Variants in PWWP2B observed in about 807,000 individuals in gnomAD.
PWWP2B encodes the protein PWWP domain-containing protein 2B.
Under a neutral mutation model 15.5 loss-of-function variants are expected in PWWP2B, and 9 were observed. That is an observed-to-expected ratio of 0.58 (90% CI 0.35 to 1.02). The LOEUF (loss-of-function observed/expected upper bound fraction) is 1.02. Ranked by LOEUF, PWWP2B falls within the 50% of genes least tolerant of loss-of-function variation. PWWP2B has a pLI of 0.02. For synonymous variants in PWWP2B, 474 were observed against 403.6 expected (o/e 1.17, Z -2.09); for missense variants, 864 against 865.3 (o/e 1.00, Z 0.02).
In PWWP2B at chr10:132,400,708, C is replaced by A. The variant is rs887174403; in HGVS notation, c.125+3357C>A. Among the ~76,000 whole-genome samples, 7 of 152,358 alleles carry A rather than the reference C, an allele frequency of 4.6e-5. No individual in the cohort carries two copies. The East Asian group carries it at 1.4e-3, about 29-fold the overall frequency. On this transcript the variant is annotated intron_variant, in intron 1 of 2. Transcript: ENST00000305233. The stretch of plus-strand genomic sequence containing the variant: ...AGGGAGACTGCAGACGCTTTCTAGA[C>A]TGACACTGGAGCATAGCCGAGGCCT...
intron 1 of PWWP2B, 82 bp downstream of exon 1, chr10:132,397,433 T>G: frequency 1.8e-6 from 2 of 1,092,104 alleles, no homozygotes; most frequent in Non-Finnish European, 2.2e-6. Flanking sequence ...GGGACCCGCC[T>G]CCGGGTTGGG....
chr10:132,408,286 GGATC>G (rs898685356), intron 2 of PWWP2B, among the ~76,000 whole-genome samples: 4 of 152,226 alleles, frequency 2.6e-5, no homozygotes, highest in African/African-American at 9.6e-5. Flanking sequence ...GTGGGGCCTG[GGATC>G]TCCCGCCCTC....
At chr10:132,400,375 A>G (rs1272435726) in intron 1 of PWWP2B, among the ~76,000 whole-genome samples, 1 of 152,128 alleles carries the variant, frequency 6.6e-6, no homozygotes, top group Non-Finnish European at 1.5e-5. Flanking sequence ...CACAGGGCTT[A>G]GAGAGGGACT....
Position 132,405,784 on chromosome 10 carries a change from G to C in PWWP2B, c.1284G>C (p.Leu428=). The part of the protein sequence containing the change: ...ASESACSSDS[L]DEARSSGSEG... ...AGTCGGCGTGCAGCAGCGACAGCCT[G>C]GACGAGGCCAGATCGTCCGGCTCGG... The change falls in exon 2 of 3, where the codon CTG becomes CTC. Residue 428 remains leucine, a synonymous_variant. Coordinates refer to ENST00000305233, the MANE Select transcript of PWWP2B (RefSeq NM_138499.4). The C allele has an allele frequency of 6.2e-7, 1 of 1,607,280 alleles. No homozygotes were observed.
rs371030299 is a variant in PWWP2B, at chr10:132,404,977, C to T, written c.477C>T (p.Arg159=). The T allele has an allele frequency of 9.5e-6, 15 of 1,574,664 alleles. No homozygotes were observed. The highest frequency in any genetic ancestry group is 9.5e-5 in the African/African-American group (7 of 73,962). ...CGCGGCGGCGTCTGTCCCGCAACCG[C>T]GACCCGGGGCGCCTCATCCTCAGCA... The part of the protein sequence containing the change: ...KRTRRRLSRN[R]DPGRLILSTI... The change falls in exon 2 of 3, where the codon CGC becomes CGT. Residue 159 remains arginine, a synonymous_variant. Transcript: ENST00000305233.
intron 1 of PWWP2B, among the ~76,000 whole-genome samples, chr10:132,404,365 C>T (rs2069652754): frequency 6.6e-6 from 1 of 152,156 alleles, no homozygotes; most frequent in South Asian, 2.1e-4. Flanking sequence ...CTGTCTCTGG[C>T]CAGGGAAGCA....
At chr10:132,408,749 A>G (rs1179517963) in intron 2 of PWWP2B, among the ~76,000 whole-genome samples, 1 of 152,236 alleles carries the variant, frequency 6.6e-6, no homozygotes, top group Non-Finnish European at 1.5e-5. Context: ...TTGCAGGGAC[A>G]CTGAGCCCAG....
chr10:132,408,804 G>A (rs61865568), intron 2 of PWWP2B, among the ~76,000 whole-genome samples: 5,927 of 152,360 alleles, frequency 0.039, 157 homozygotes, highest in Admixed American at 0.11. Context: ...GCTTGCTGCG[G>A]GGCTGGAGGC....
rs191697791 is a variant in PWWP2B at position 132,404,242 on chromosome 10, T to C, written c.126-384T>C. 2.5e-3 allele frequency among the ~76,000 whole-genome samples: 381 copies of C among 152,102 alleles called. 1 individual carries two copies. The highest frequency in any genetic ancestry group is 8.3e-3 in the Admixed American group (127 of 15,280). On this transcript the variant is annotated intron_variant, in intron 1 of 2. Transcript: ENST00000305233. ...GCCTGAGTTTTGGGGTCCAGGGCCATGGGTCACAAGCAGCCAGACCCCTCC... is the reference window on the plus strand; with the variant it reads ...GCCTGAGTTTTGGGGTCCAGGGCCACGGGTCACAAGCAGCCAGACCCCTCC...
rs746324295 is a variant in PWWP2B, at chr10:132,417,076, G to T, written c.*32G>T. On this transcript the variant is annotated 3_prime_UTR_variant, in exon 3 of 3. Transcript: ENST00000305233. Reference sequence around the variant, plus strand: ...TTCCCCCAAGGTCACCGACGATGAGGGCGCACCTGCTGTCCTGGAGCTTCC... The same window carrying T: ...TTCCCCCAAGGTCACCGACGATGAGTGCGCACCTGCTGTCCTGGAGCTTCC... 1 of 1,613,702 alleles carries T rather than the reference G, an allele frequency of 6.2e-7. No individual in the cohort carries two copies.
intron 2 of PWWP2B, among the ~76,000 whole-genome samples, chr10:132,410,642 C>T (rs1024340550): frequency 6.6e-6 from 1 of 152,100 alleles, no homozygotes; most frequent in African/African-American, 2.4e-5. Flanking sequence ...ACACCTGGTC[C>T]TGGGAGCCGT....
At chr10:132,406,318 C>G (rs1419829568) in intron 2 of PWWP2B, 29 bp downstream of exon 2, 3 of 1,544,460 alleles carry the variant, frequency 1.9e-6, no homozygotes, top group Non-Finnish European at 2.6e-6. Context: ...GCCTCCTTCC[C>G]CCCAGCGGCC....
chr10:132,401,205 T>C (rs949807713), intron 1 of PWWP2B, among the ~76,000 whole-genome samples: 1 of 152,140 alleles, frequency 6.6e-6, no homozygotes, highest in African/African-American at 2.4e-5. Context: ...CCATTGGGAG[T>C]GGCACTGGCG....
At chr10:132,413,803 C>T (rs998402295) in intron 2 of PWWP2B, among the ~76,000 whole-genome samples, 1 of 152,262 alleles carries the variant, frequency 6.6e-6, no homozygotes, top group African/African-American at 2.4e-5. Flanking sequence ...AGTCTTTTCT[C>T]CAACAAGCTG....
intron 2 of PWWP2B, among the ~76,000 whole-genome samples, chr10:132,412,592 C>T (rs2069796262): frequency 6.6e-6 from 1 of 152,200 alleles, no homozygotes; most frequent in South Asian, 2.1e-4. Flanking sequence ...CAGGTTTTCA[C>T]CCTGGGGCTC....
rs1188761077 is a variant in PWWP2B at position 132,406,171 on chromosome 10, TAAG to T, written c.1678_1680del (p.Lys560del). On this transcript the variant is annotated inframe_deletion, in exon 2 of 3. Coordinates refer to ENST00000305233, the MANE Select transcript of PWWP2B (RefSeq NM_138499.4). ...AATTTTTCAAACTGAGATTTAATCG[TAAG>T]AAGAAGGGGATGTATCGGAAAGCTA... 1.9e-6 allele frequency: 3 copies of T among 1,613,478 alleles called. No individual in the cohort carries two copies. Among genetic ancestry groups the T allele is most frequent in the Non-Finnish European group, 2.5e-6 (3 of 1,180,012 alleles).
At chr10:132,413,747 G>C (rs899637570) in intron 2 of PWWP2B, among the ~76,000 whole-genome samples, 4 of 152,250 alleles carry the variant, frequency 2.6e-5, no homozygotes, top group African/African-American at 9.6e-5. Flanking sequence ...GTGATGTGCA[G>C]AGCTGTGGGA....
chr10:132,398,353 C>A (rs570231812), intron 1 of PWWP2B, among the ~76,000 whole-genome samples: 1 of 152,210 alleles, frequency 6.6e-6, no homozygotes, highest in Non-Finnish European at 1.5e-5. Flanking sequence ...GGTTCCTGCC[C>A]GCTCCGTGTG....
rs530861763 is a variant in PWWP2B, at chr10:132,406,018, G to A, written c.1518G>A (p.Ala506=). 98 of 1,613,764 alleles carry A rather than the reference G, an allele frequency of 6.1e-5. No individual in the cohort carries two copies. In the South Asian group the frequency reaches 7.7e-4, roughly 13 times the overall value. Residue 506 remains alanine, a synonymous_variant, in exon 2 of 3, where the codon GCG becomes GCA. Coordinates refer to ENST00000305233, the MANE Select transcript of PWWP2B (RefSeq NM_138499.4). ...GKIHGFPWWP[A]RVLDISLGQK... ...TCCATGGTTTTCCTTGGTGGCCGGC[G>A]CGTGTTCTTGACATCAGTCTCGGCC...
Sources: allele counts gnomAD v4.1 joint callset (sites outside exome capture counted in the v4.1 genomes callset), GRCh38; gene constraint gnomAD v4.1.1; transcripts MANE v1.5; gene names NCBI Gene and HGNC (gene_info 2026-07-23, HGNC 2026-07-21).